SUMF1: variants seen among roughly 807,000 people sequenced by gnomAD.
The protein encoded by SUMF1 is formylglycine-generating enzyme.
SUMF1 carries 48 observed loss-of-function variants against 47.6 expected under a neutral mutation model. The observed-to-expected ratio is 1.01, with a 90% CI of 0.80 to 1.28. SUMF1 has a LOEUF of 1.28. SUMF1 is among the 50% of genes most tolerant of loss of function. The pLI, the probability that SUMF1 is intolerant of heterozygous loss-of-function variation, is 0.00. For synonymous variants in SUMF1, 230 were observed against 192.1 expected (o/e 1.20, Z -1.63); for missense variants, 571 against 485.4 (o/e 1.18, Z -1.66).
intron 8 of SUMF1, among the ~76,000 whole-genome samples, chr3:4,260,994 A>C (rs1366528642): frequency 6.6e-6 from 1 of 152,150 alleles, no homozygotes; most frequent in Non-Finnish European, 1.5e-5. Flanking sequence ...TGATCAATAG[A>C]ACCATAAAAG....
intron 8 of SUMF1, among the ~76,000 whole-genome samples, chr3:4,114,431 C>G (rs538910918): frequency 7.9e-5 from 12 of 152,150 alleles, no homozygotes; most frequent in Non-Finnish European, 1.6e-4. Context: ...TAGAAAAATA[C>G]AGCTTCATCA....
chr3:4,364,033 T>C (rs1390252315), intron 8 of SUMF1, among the ~76,000 whole-genome samples: 4 of 130,498 alleles, frequency 3.1e-5, no homozygotes, highest in African/African-American at 5.6e-5. Flanking sequence ...CATTTATTCA[T>C]TTGCGTATAT....
chr3:4,379,336 G>A (rs1003700725), intron 7 of SUMF1, among the ~76,000 whole-genome samples: 1 of 152,192 alleles, frequency 6.6e-6, no homozygotes, highest in Non-Finnish European at 1.5e-5. Context: ...AATGACTGGT[G>A]TCCTTATAAG....
intron 8 of SUMF1, chr3:4,313,839 G>A (rs1241548136): frequency 1.9e-6 from 3 of 1,586,540 alleles, no homozygotes; most frequent in Admixed American, 1.7e-5. Flanking sequence ...CCTCTGCCTA[G>A]TTACATAAGT....
intron 8 of SUMF1, among the ~76,000 whole-genome samples, chr3:4,342,871 T>C (rs933156289): frequency 3.9e-5 from 6 of 152,226 alleles, no homozygotes; most frequent in Non-Finnish European, 8.8e-5. Context: ...GGCAGAATTT[T>C]CCTGGCAACC....
intron 9 of SUMF1, among the ~76,000 whole-genome samples, chr3:4,050,354 G>T (rs1224648785): frequency 6.6e-6 from 1 of 151,880 alleles, no homozygotes; most frequent in Non-Finnish European, 1.5e-5. Context: ...AATTGCTAGA[G>T]TCTTTCCCTA....
chr3:4,284,539 G>T (rs1349738796), intron 8 of SUMF1, among the ~76,000 whole-genome samples: 1 of 151,776 alleles, frequency 6.6e-6, no homozygotes, highest in East Asian at 1.9e-4. Flanking sequence ...TTCTGCTACA[G>T]GTGACCCTGG....
At chr3:4,392,895 T>A (rs1262859821) in intron 7 of SUMF1, among the ~76,000 whole-genome samples, 1 of 151,962 alleles carries the variant, frequency 6.6e-6, no homozygotes, top group Non-Finnish European at 1.5e-5. Flanking sequence ...TGACCAATAA[T>A]TTAGACAGAG....
chr3:4,104,368 C>A (rs1321369355), intron 8 of SUMF1, among the ~76,000 whole-genome samples: 1 of 152,036 alleles, frequency 6.6e-6, no homozygotes, highest in African/African-American at 2.4e-5. Flanking sequence ...GTATAAATTA[C>A]CCTGTCTCAG....
intron 8 of SUMF1, among the ~76,000 whole-genome samples, chr3:4,155,248 C>T (rs946304440): frequency 2.6e-5 from 4 of 151,098 alleles, no homozygotes; most frequent in Admixed American, 2.0e-4. Flanking sequence ...GGAAGGAAGC[C>T]CTGTGGTATT....
chr3:4,257,177 AG>A (rs1696974422), intron 8 of SUMF1, among the ~76,000 whole-genome samples: 1 of 54,450 alleles, frequency 1.8e-5, no homozygotes, highest in Non-Finnish European at 3.4e-5. Flanking sequence ...AAAAACTGGA[AG>A]CATTCCCTTT....
At chr3:4,117,107 C>A (rs1457413290) in intron 8 of SUMF1, among the ~76,000 whole-genome samples, 1 of 152,068 alleles carries the variant, frequency 6.6e-6, no homozygotes, top group East Asian at 1.9e-4. Flanking sequence ...GTGACTGCAT[C>A]TTAAATTTTA....
intron 7 of SUMF1, among the ~76,000 whole-genome samples, chr3:4,384,688 T>C (rs1296394159): frequency 6.6e-6 from 1 of 152,202 alleles, no homozygotes; most frequent in Non-Finnish European, 1.5e-5. Context: ...TATTGAGTAG[T>C]ATTCCATGGT....
intron 3 of SUMF1, among the ~76,000 whole-genome samples, chr3:4,442,638 G>GAAAAAAAAAAAAAAAAAAA (rs61296884): frequency 8.2e-5 from 5 of 61,288 alleles, no homozygotes; most frequent in Non-Finnish European, 8.0e-5. Context: ...AGAGAAAAAG[G>GAAAAAAAAAAAAAAAAAAA]AAAAAAAAAA....
At chr3:4,441,222 T>C (rs1157391282) in intron 3 of SUMF1, among the ~76,000 whole-genome samples, 1 of 152,172 alleles carries the variant, frequency 6.6e-6, no homozygotes, top group Non-Finnish European at 1.5e-5. Flanking sequence ...GTGAATCCTG[T>C]TGTGAAGAGC....
intron 3 of SUMF1, among the ~76,000 whole-genome samples, chr3:4,429,200 A>C (rs964797694): frequency 2.6e-5 from 4 of 152,246 alleles, no homozygotes; most frequent in African/African-American, 9.6e-5. Context: ...CTTGCTAAAA[A>C]TCATTTACAA....
chr3:4,456,230 T>C (rs1245214361), intron 1 of SUMF1, among the ~76,000 whole-genome samples: 2 of 152,106 alleles, frequency 1.3e-5, no homozygotes, highest in African/African-American at 2.4e-5. Context: ...ACATGAGTCA[T>C]ATATGAAAAG....
intron 8 of SUMF1, among the ~76,000 whole-genome samples, chr3:4,221,313 G>A (rs1267879927): frequency 1.3e-5 from 2 of 152,040 alleles, no homozygotes; most frequent in African/African-American, 4.8e-5. Context: ...GATGGATGGA[G>A]GTGTTTTAAG....
intron 8 of SUMF1, among the ~76,000 whole-genome samples, chr3:4,121,362 T>C (rs1693536326): frequency 6.6e-6 from 1 of 152,186 alleles, no homozygotes; most frequent in African/African-American, 2.4e-5. Context: ...ATGTACTAGG[T>C]TCCACGCATT....
Sources: allele counts gnomAD v4.1 joint callset (sites outside exome capture counted in the v4.1 genomes callset), GRCh38; gene constraint gnomAD v4.1.1; transcripts MANE v1.5; gene names NCBI Gene and HGNC (gene_info 2026-07-23, HGNC 2026-07-21).